The following TFRC variants were observed in gnomAD, a reference collection of about 807,000 sequenced individuals.
TFRC encodes the protein transferrin receptor.
Under a neutral mutation model 85.8 loss-of-function variants are expected in TFRC, and 35 were observed. The observed-to-expected ratio is 0.41, with a 90% CI of 0.31 to 0.54. The LOEUF (loss-of-function observed/expected upper bound fraction) is 0.54, where lower values mean the gene tolerates loss of function less well. Ranked by LOEUF, TFRC falls within the 20% of genes least tolerant of loss-of-function variation. The probability of loss-of-function intolerance (pLI) is 0.31; values close to 1 mark genes in which losing one functional copy is unlikely to be tolerated. For missense variants in TFRC, 828 were observed against 921.5 expected, an observed-to-expected ratio of 0.90 and a Z score of 1.31; for synonymous variants, 362 against 328.6, an observed-to-expected ratio of 1.10 and a Z score of -1.10.
At position 196,075,284 on chromosome 3, in the gene TFRC, A is replaced by G; in HGVS notation, c.113T>C (p.Met38Thr). The change falls in exon 3 of 19, where the codon ATG (methionine) becomes ACG (threonine). Residue 38 changes from methionine to threonine, a missense_variant. Coordinates refer to ENST00000360110, the MANE Select transcript of TFRC (RefSeq NM_001128148.3). ...QVDGDNSHVE[M>T]KLAVDEEENA... ...TTCTTCTTCATCTACAGCAAGTTTC[A>G]TCTCCACATGACTGTTATCGCCATC... The G allele has an allele frequency of 6.2e-7, 1 of 1,614,060 alleles. No individual in the cohort carries two copies. Among genetic ancestry groups the G allele is most frequent in the Non-Finnish European group, 8.5e-7 (1 of 1,180,018 alleles).
chr3:196,059,729 C>T (rs1036136460), intron 14 of TFRC, among the ~76,000 whole-genome samples: 3 of 151,546 alleles, frequency 2.0e-5, no homozygotes, highest in African/African-American at 4.9e-5. Context: ...CGTCATCTAG[C>T]GTTAGGTATA....
At chr3:196,076,976 G>A (rs1008963995) in intron 2 of TFRC, 88 bp downstream of exon 2, 28 of 1,199,262 alleles carry the variant, frequency 2.3e-5, no homozygotes, top group Non-Finnish European at 3.4e-5. Flanking sequence ...AATAGATTGG[G>A]GTTATTATTT....
intron 18 of TFRC, among the ~76,000 whole-genome samples, chr3:196,052,503 C>T (rs1409337347): frequency 6.6e-6 from 1 of 151,870 alleles, no homozygotes; most frequent in Non-Finnish European, 1.5e-5. Context: ...TACAATGGCG[C>T]GATCTCAGCT....
chr3:196,057,328 AC>A (rs1267939543), intron 16 of TFRC, among the ~76,000 whole-genome samples: 1 of 151,694 alleles, frequency 6.6e-6, no homozygotes, highest in Non-Finnish European at 1.5e-5. Flanking sequence ...GGTGCATGCA[AC>A]CCCCAGTCAC....
chr3:196,060,797 CAAAAAAAAAAAAAAA>C (rs1173946134), intron 13 of TFRC, among the ~76,000 whole-genome samples: 2 of 36,924 alleles, frequency 5.4e-5, no homozygotes, highest in African/African-American at 1.0e-4. Context: ...GACTCCATCT[CAAAAAAAAAAAAAAA>C]AAAAAAAAAA....
At chr3:196,060,124 C>A in intron 14 of TFRC, 56 bp downstream of exon 14, 3 of 1,406,672 alleles carry the variant, frequency 2.1e-6, no homozygotes, top group South Asian at 1.2e-5. Context: ...TTTTTTATCT[C>A]AGGTTGATTC....
intron 1 of TFRC, among the ~76,000 whole-genome samples, chr3:196,078,483 C>G (rs1718893987): frequency 1.3e-5 from 2 of 152,038 alleles, no homozygotes; most frequent in South Asian, 4.2e-4. Flanking sequence ...GTGGTGAAAC[C>G]CCATCTCTAC....
chr3:196,063,294 T>C (rs1279057961), intron 11 of TFRC: 1 of 162,884 alleles, frequency 6.1e-6, no homozygotes, highest in African/African-American at 2.4e-5. Context: ...AGTGTAAGCA[T>C]GATGATGCAC....
rs200521798 is a variant in TFRC, at chr3:196,071,486, C to T, written c.597G>A (p.Ser199=). ...TACCGTTCTTATCAACTATGATCAC[C>T]GAGTTTTGAGCGCTGTTAAAAAGAT... The part of the protein sequence containing the change: ...KIQVKDSAQN[S]VIIVDKNGRL... The change falls in exon 6 of 19, where the codon TCG becomes TCA. Residue 199 remains serine, a synonymous_variant. Transcript: ENST00000360110. 73 of 1,613,990 alleles carry T rather than the reference C, an allele frequency of 4.5e-5. No individual in the cohort carries two copies. The highest frequency in any genetic ancestry group is 5.5e-5 in the Non-Finnish European group (65 of 1,179,938).
chr3:196,070,525 T>C (rs1718101248), intron 6 of TFRC, among the ~76,000 whole-genome samples: 1 of 151,960 alleles, frequency 6.6e-6, no homozygotes, highest in Admixed American at 6.6e-5. Flanking sequence ...AGTGCTGGGA[T>C]TACAGGCGTG....
At chr3:196,052,649 C>T (rs1412012909) in intron 18 of TFRC, among the ~76,000 whole-genome samples, 1 of 152,008 alleles carries the variant, frequency 6.6e-6, no homozygotes, top group East Asian at 1.9e-4. Flanking sequence ...CCATGTTGGT[C>T]AGGCTGGTCT....
At chr3:196,073,484 TAAG>T (rs763836511) in intron 4 of TFRC, among the ~76,000 whole-genome samples, 6 of 151,910 alleles carry the variant, frequency 3.9e-5, no homozygotes, top group Non-Finnish European at 8.8e-5. Flanking sequence ...TCACAGAAAT[TAAG>T]AAGCACTAGA....
intron 2 of TFRC, among the ~76,000 whole-genome samples, chr3:196,076,473 G>A (rs1345296249): frequency 3.4e-5 from 5 of 147,658 alleles, no homozygotes; most frequent in South Asian, 2.1e-4. Context: ...TTTTTGAGAC[G>A]GAGTCTCACT....
chr3:196,057,264 T>A (rs1264314185), intron 16 of TFRC, among the ~76,000 whole-genome samples: 2 of 152,168 alleles, frequency 1.3e-5, no homozygotes, highest in African/African-American at 4.8e-5. Flanking sequence ...TTCCAGACAT[T>A]GTATAGAAAA....
At position 196,052,089 on chromosome 3, in the gene TFRC, T is replaced by C. The variant is rs753795314; in HGVS notation, c.2136A>G (p.Leu712=). 85 of 1,613,958 alleles carry C rather than the reference T, an allele frequency of 5.3e-5. No homozygotes were observed. The highest frequency in any genetic ancestry group is 6.9e-5 in the Non-Finnish European group (81 of 1,180,012). The change falls in exon 19 of 19, where the codon TTA becomes TTG. Residue 712 remains leucine (L), a synonymous_variant. Transcript: ENST00000360110. Reference sequence around the variant, plus strand: ...GTTTACGCAGTTTCAAGTTCTCCAGTAAAGCTGGCAGCGTGTGAGAGCCGG... The same window carrying C: ...GTTTACGCAGTTTCAAGTTCTCCAGCAAAGCTGGCAGCGTGTGAGAGCCGG... ...WGSGSHTLPA[L]LENLKLRKQN...
chr3:196,071,062 A>G (rs905984779), intron 6 of TFRC, among the ~76,000 whole-genome samples: 1 of 152,238 alleles, frequency 6.6e-6, no homozygotes, highest in South Asian at 2.1e-4. Context: ...AGCAAATACT[A>G]CTATGTATGT....
rs1348086870 is a variant in TFRC, at chr3:196,064,354, G to C, written c.1273C>G (p.Leu425Val). The C allele has an allele frequency of 2.5e-6, 4 of 1,613,674 alleles. No homozygotes were observed. In the African/African-American group the frequency reaches 5.3e-5, roughly 22 times the overall value. Residue 425 changes from leucine to valine, a missense_variant, in exon 11 of 19, where the codon CTC (leucine) becomes GTC (valine). Coordinates refer to ENST00000360110, the MANE Select transcript of TFRC (RefSeq NM_001128148.3). ...GAAKSGVGTA[L>V]LLKLAQMFSD... ...AACATCTGGGCAAGTTTCAATAGGA[G>C]AGCTGTGCCTACACCGGATTTTGCA...
Position 196,049,938 on chromosome 3 carries a change from C to G in TFRC, c.*2004G>C, listed in dbSNP as rs9842780. 1 of 231,426 alleles carries G rather than the reference C, an allele frequency of 4.3e-6. No individual in the cohort carries two copies. The highest frequency in any genetic ancestry group is 8.6e-6 in the Non-Finnish European group (1 of 116,958). 14.3% of individuals were successfully genotyped at this position (231,426 alleles called of 1,614,324 possible). A position where few individuals can be genotyped will look rare whatever the true frequency, so the allele number is the denominator to read the frequency against. ...CCCTAGGAGGCCGTTTCCAACTGCCCTATGACAAACAGCTGATCATCACGT... is the reference window on the plus strand; with the variant it reads ...CCCTAGGAGGCCGTTTCCAACTGCCGTATGACAAACAGCTGATCATCACGT... On this transcript the variant is annotated 3_prime_UTR_variant, in exon 19 of 19. Coordinates refer to ENST00000360110, the MANE Select transcript of TFRC (RefSeq NM_001128148.3).
At chr3:196,068,610 CAAA>C (rs55807772) in intron 7 of TFRC, among the ~76,000 whole-genome samples, 1,146 of 41,844 alleles carry the variant, frequency 0.027, 9 homozygotes, top group African/African-American at 0.071. Flanking sequence ...AACTCCCTCT[CAAA>C]AAAAAAAAAA....
Sources: gnomAD v4.1 joint callset for allele counts (sites outside exome capture counted in the v4.1 genomes callset) on GRCh38, gnomAD v4.1.1 for gene constraint, MANE v1.5 for transcripts, NCBI Gene and HGNC (gene_info 2026-07-23, HGNC 2026-07-21) for gene names.